The following TMC4 variants were observed in gnomAD, a reference collection of about 807,000 sequenced individuals.
The protein encoded by TMC4 is voltage-gated chloride channel TMC4.
Under a neutral mutation model 82.0 loss-of-function variants are expected in TMC4, and 70 were observed. That is an observed-to-expected ratio of 0.85 (90% CI 0.70 to 1.04). TMC4 has a LOEUF of 1.04. Ranked by LOEUF, TMC4 falls within the 50% of genes least tolerant of loss-of-function variation. The pLI, the probability that TMC4 is intolerant of heterozygous loss-of-function variation, is 0.00. For synonymous variants in TMC4, 446 were observed against 406.0 expected (o/e 1.10, Z -1.18); for missense variants, 879 against 899.0 (o/e 0.98, Z 0.28).
intron 13 of TMC4, 140 bp downstream of exon 13, chr19:54,160,738 A>T: frequency 1.4e-6 from 2 of 1,395,324 alleles, no homozygotes; most frequent in Non-Finnish European, 1.9e-6. Context: ...CGGACCCAGC[A>T]GTCCAGGAGC....
chr19:54,160,151 G>A lies in TMC4; in HGVS notation c.*155C>T. The A allele has an allele frequency of 2.5e-6, 2 of 804,726 alleles. No individual in the cohort carries two copies. The highest frequency in any genetic ancestry group is 3.8e-6 in the Non-Finnish European group (2 of 531,380). 49.8% of individuals were successfully genotyped at this position (804,726 alleles called of 1,614,324 possible). ...TTTATTGATACAAGGAAGATCACCC[G>A]AGAGTCAGGGACGTGGCGGCGAGGG... On this transcript the variant is annotated 3_prime_UTR_variant, in exon 15 of 15. Transcript: ENST00000619895.
Position 54,169,496 on chromosome 19 carries a change from C to T in TMC4, c.442+16G>A, listed in dbSNP as rs1310239469. 1 of 1,608,562 alleles carries T rather than the reference C, an allele frequency of 6.2e-7. No homozygotes were observed. The highest frequency in any genetic ancestry group is 1.1e-5 in the South Asian group (1 of 90,480). On this transcript the variant is annotated intron_variant, in intron 3 of 14. Transcript: ENST00000619895. ...CCAGGCCCTGCCCCCAGGACACCAC[C>T]CAAACCCCACCGCACCCCCGATCCT...
intron 13 of TMC4, 43 bp from the exon 14 acceptor site, chr19:54,160,588 C>A: frequency 6.2e-7 from 1 of 1,613,486 alleles, no homozygotes; most frequent in East Asian, 2.2e-5. Flanking sequence ...CACGCTCTTC[C>A]ATTATATCCA....
At chr19:54,167,238 G>A (rs891150346) in intron 5 of TMC4, among the ~76,000 whole-genome samples, 17 of 151,994 alleles carry the variant, frequency 1.1e-4, no homozygotes, top group African/African-American at 3.6e-4. Flanking sequence ...CACGCTAGCC[G>A]GGTGACAGAG....
intron 6 of TMC4, 169 bp from the exon 7 acceptor site, chr19:54,164,770 G>C: frequency 1.1e-6 from 1 of 871,698 alleles, no homozygotes; most frequent in Non-Finnish European, 1.7e-6. Flanking sequence ...GGAAACCAGC[G>C]GCCCTTTACA....
chr19:54,162,375 A>C, intron 10 of TMC4, 90 bp from the exon 11 acceptor site: 4 of 576,350 alleles, frequency 6.9e-6, no homozygotes, highest in Non-Finnish European at 1.1e-5. Context: ...AATAGGAAGC[A>C]TGCGTATTGG....
Position 54,160,739 on chromosome 19 carries a change from G to A in TMC4, c.1973+139C>T, listed in dbSNP as rs948330909. 5 of 1,402,276 alleles carry A rather than the reference G, an allele frequency of 3.6e-6. No homozygotes were observed. The African/African-American group carries it at 7.2e-5, about 20-fold the overall frequency. The allele number at this position is 1,402,276 out of a possible 1,614,324, so 86.9% of individuals were successfully genotyped here. On this transcript the variant is annotated intron_variant, in intron 13 of 14. Coordinates refer to ENST00000619895, the MANE Select transcript of TMC4 (RefSeq NM_144686.4). The stretch of plus-strand genomic sequence containing the variant: ...CCCACCTCCTCCTTCGGACCCAGCA[G>A]TCCAGGAGCCTAGGCCTCCTCCCTC...
rs375063218 is a variant in TMC4 at position 54,162,772 on chromosome 19, TGAA to T, written c.1405-5_1405-3del. The T allele has an allele frequency of 1.2e-5, 19 of 1,613,324 alleles. No homozygotes were observed. The African/African-American group carries it at 1.2e-4, about 10-fold the overall frequency. On this transcript the variant is annotated splice_polypyrimidine_tract_variant and splice_region_variant and intron_variant, in intron 9 of 14. Coordinates refer to ENST00000619895, the MANE Select transcript of TMC4 (RefSeq NM_144686.4). ...CTGGCCCAGGACAGTCTCCCAGCAC[TGAA>T]GAAGGAAGAAATATATCAGAAAGAA...
At chr19:54,162,396 G>C (rs1411440253) in intron 10 of TMC4, 111 bp from the exon 11 acceptor site, 11 of 807,826 alleles carry the variant, frequency 1.4e-5, no homozygotes, top group Non-Finnish European at 1.9e-5. Context: ...TGGTGGGGGG[G>C]GGGGGGGCGG....
rs1197079233 is a variant in TMC4 at position 54,167,467 on chromosome 19, T to G, written c.797+704A>C. Among the ~76,000 whole-genome samples, 4 of 148,930 alleles carry G rather than the reference T, an allele frequency of 2.7e-5. No homozygotes were observed. In the South Asian group the frequency reaches 8.6e-4, roughly 32 times the overall value. On this transcript the variant is annotated intron_variant, in intron 5 of 14. Transcript: ENST00000619895. ...CCAGCTACTTGGGAGGGTGAGGCAG[T>G]AGAATCGCTTGAACCCGGGAGGTGG...
chr19:54,173,063 G>T lies in TMC4; in HGVS notation c.55C>A (p.Leu19Met). The change falls in exon 1 of 15, where the codon CTG becomes ATG. Residue 19 changes from leucine (L) to methionine (M), a missense_variant. By Grantham distance (15) the Leu-to-Met change is conservative. Transcript: ENST00000619895. ...SEAWGSSREW[L>M]APREARGGPS... ...CCTCCTCTGGCCTCCCGGGGGGCCA[G>T]CCACTCCCTAGAGGAGCCCCAGGCT... 7 of 1,613,510 alleles carry T rather than the reference G, an allele frequency of 4.3e-6. No homozygotes were observed. Among genetic ancestry groups the T allele is most frequent in the Non-Finnish European group, 5.1e-6 (6 of 1,179,752 alleles).
At chr19:54,162,858 G>A in intron 9 of TMC4, 88 bp from the exon 10 acceptor site, 1 of 1,510,200 alleles carries the variant, frequency 6.6e-7, no homozygotes, top group Non-Finnish European at 9.2e-7. Context: ...GCAAGCCTAT[G>A]AGACCCTGTC....
chr19:54,160,393 G>A lies in TMC4; in HGVS notation c.2053-19C>T. The A allele has an allele frequency of 6.4e-7, 1 of 1,566,036 alleles. No homozygotes were observed. The highest frequency in any genetic ancestry group is 8.7e-7 in the Non-Finnish European group (1 of 1,153,388). ...GCGCCTCCTGGGGCAAAGAGAGGTG[G>A]AGGTGAGACAATCCTCTTCCCCAAC... On this transcript the variant is annotated intron_variant, in intron 14 of 14. Transcript: ENST00000619895.
chr19:54,162,394 G>T (rs545931335), intron 10 of TMC4, 109 bp from the exon 11 acceptor site: 4 of 801,454 alleles, frequency 5.0e-6, no homozygotes, highest in East Asian at 3.0e-5. Context: ...GGTGGTGGGG[G>T]GGGGGGGGGC....
At position 54,160,345 on chromosome 19, in the gene TMC4, C is replaced by T. The variant is rs782401723; in HGVS notation, c.2082G>A (p.Arg694=). The part of the protein sequence containing the change: ...TEAQNKVFLA[R]RAVALTSTKP... ...TGGTGGAGGTCAGCGCCACAGCGCG[C>T]CGTGCCAGGAAGACTTTATTCTGCG... Residue 694 remains arginine, a synonymous_variant, in exon 15 of 15, where the codon CGG becomes CGA. Coordinates refer to ENST00000619895, the MANE Select transcript of TMC4 (RefSeq NM_144686.4). 1 of 1,523,700 alleles carries T rather than the reference C, an allele frequency of 6.6e-7. No homozygotes were observed. The highest frequency in any genetic ancestry group is 8.8e-7 in the Non-Finnish European group (1 of 1,136,222). The allele number at this position is 1,523,700 out of a possible 1,614,324, so 94.4% of individuals were successfully genotyped here.
Position 54,161,192 on chromosome 19 carries a change from GA to G in TMC4, c.1754del (p.Phe585SerfsTer22). ...CCAGACCCAGGAGAAGGACCAAGGG[GA>G]AAAAGAAATTCGCCGCGGAGGCCCG... ...TFRASAANFF[F>X]PLVLLLGLAI... On this transcript the variant is annotated frameshift_variant, in exon 12 of 15. Transcript: ENST00000619895. LOFTEE classifies it high-confidence loss of function. 3 of 1,593,926 alleles carry G rather than the reference GA, an allele frequency of 1.9e-6. No homozygotes were observed. The highest frequency in any genetic ancestry group is 1.8e-5 in the Admixed American group (1 of 54,948).
At chr19:54,171,626 A>C (rs1310823964) in intron 2 of TMC4, among the ~76,000 whole-genome samples, 2 of 152,232 alleles carry the variant, frequency 1.3e-5, no homozygotes, top group African/African-American at 2.4e-5. Context: ...GGTGGAGACC[A>C]GGGAGACGGC....
In TMC4 at chr19:54,162,230, A is replaced by G; in HGVS notation, c.1558T>C (p.Phe520Leu). 6.2e-7 allele frequency: 1 copy of G among 1,610,502 alleles called. No individual in the cohort carries two copies. The change falls in exon 11 of 15, where the codon TTC (phenylalanine) becomes CTC (leucine). Residue 520 changes from phenylalanine to leucine, a missense_variant. Phe to Leu is a conservative substitution (Grantham distance 22). Transcript: ENST00000619895. ...ALGRLAGTQEFQVPDEVLGLI... is the reference protein window; with the variant it reads ...ALGRLAGTQELQVPDEVLGLI... The stretch of plus-strand genomic sequence containing the variant: ...CCCAGCACCTCGTCGGGCACCTGGA[A>G]CTCTTGGGTCCCCGCCAGACGACCC...
rs369523350 is a variant in TMC4 at position 54,173,053 on chromosome 19, C to T, written c.65G>A (p.Arg22Gln). ...WGSSREWLAP[R>Q]EARGGPSLSS... ...GCATTCCCTACCTCCTCTGGCCTCC[C>T]GGGGGGCCAGCCACTCCCTAGAGGA... Residue 22 changes from arginine (R) to glutamine (Q), a missense_variant, in exon 1 of 15, where the codon CGG becomes CAG. Arg to Gln is a conservative substitution (Grantham distance 43, BLOSUM62 1). Coordinates refer to ENST00000619895, the MANE Select transcript of TMC4 (RefSeq NM_144686.4). The T allele has an allele frequency of 8.1e-6, 13 of 1,612,860 alleles. No homozygotes were observed. Among genetic ancestry groups the T allele is most frequent in the African/African-American group, 1.3e-5 (1 of 74,870 alleles).
Sources: gnomAD v4.1 joint callset for allele counts (sites outside exome capture counted in the v4.1 genomes callset) on GRCh38, gnomAD v4.1.1 for gene constraint, MANE v1.5 for transcripts, NCBI Gene and HGNC (gene_info 2026-07-23, HGNC 2026-07-21) for gene names.